HHIP: variants seen among roughly 807,000 people sequenced by gnomAD.
The protein encoded by HHIP is hedgehog interacting protein, also known as hedgehog-interacting protein.
A neutral mutation model predicts 74.0 loss-of-function variants in HHIP; 12 were observed. The ratio of observed to expected loss-of-function variants is 0.16; its 90% CI spans 0.10 to 0.26. The LOEUF (loss-of-function observed/expected upper bound fraction) is 0.26. Ranked by LOEUF, HHIP falls within the 10% of genes least tolerant of loss-of-function variation. The pLI, the probability that HHIP is intolerant of heterozygous loss-of-function variation, is 1.00. For missense variants in HHIP, 788 were observed against 845.0 expected (o/e 0.93, Z 0.84); for synonymous variants, 309 against 311.6 (o/e 0.99, Z 0.09).
rs190269007 is a variant in HHIP, at chr4:144,661,837, C to T, written c.831+1999C>T. Reference sequence around the variant, plus strand: ...TCATTTTGCATAAGTAATGCCAATACGAATTTTCATAAATTATTATACATA... The same window carrying T: ...TCATTTTGCATAAGTAATGCCAATATGAATTTTCATAAATTATTATACATA... On this transcript the variant is annotated intron_variant, in intron 4 of 12. Coordinates refer to ENST00000296575, the MANE Select transcript of HHIP (RefSeq NM_022475.3). Among the ~76,000 whole-genome samples, 6 of 152,200 alleles carry T rather than the reference C, an allele frequency of 3.9e-5. No homozygotes were observed. The East Asian group carries it at 7.7e-4, about 20-fold the overall frequency.
At chr4:144,706,106 G>A (rs2126652499) in intron 4 of HHIP, among the ~76,000 whole-genome samples, 1 of 152,316 alleles carries the variant, frequency 6.6e-6, no homozygotes, top group African/African-American at 2.4e-5. Flanking sequence ...AGTGGGAGTT[G>A]GCAGCCCACA....
chr4:144,693,313 T>C (rs1729725495), intron 4 of HHIP, among the ~76,000 whole-genome samples: 1 of 152,160 alleles, frequency 6.6e-6, no homozygotes, highest in African/African-American at 2.4e-5. Context: ...GTTTGGCTCT[T>C]CCCTTAGTTG....
rs906885642 is a variant in HHIP at position 144,653,027 on chromosome 4, T to G, written c.472+230T>G. ...TTGGTTTTGTTGACTTGTTATATAT[T>G]TCTTGTTAAGCTGGTAATAACAGCT... On this transcript the variant is annotated intron_variant, in intron 2 of 12. Coordinates refer to ENST00000296575, the MANE Select transcript of HHIP (RefSeq NM_022475.3). 2.6e-5 allele frequency among the ~76,000 whole-genome samples: 4 copies of G among 152,264 alleles called. No homozygotes were observed. The East Asian group carries it at 5.8e-4, about 22-fold the overall frequency.
At position 144,741,830 on chromosome 4, in the gene HHIP, T is replaced by C. The variant is rs1253359603; in HGVS notation, c.*3873T>C. 1.3e-5 allele frequency: 2 copies of C among 152,150 alleles called. No individual in the cohort carries two copies. Among genetic ancestry groups the C allele is most frequent in the African/African-American group, 2.4e-5 (1 of 41,432 alleles). 9.4% of individuals were successfully genotyped at this position (152,150 alleles called of 1,614,324 possible). ...TAACTTTCTGTTAAGTCTCTTAGCT[T>C]TGAAACATAAAAGAGAAATCAAGCC... On this transcript the variant is annotated 3_prime_UTR_variant, in exon 13 of 13. Coordinates refer to ENST00000296575, the MANE Select transcript of HHIP (RefSeq NM_022475.3).
chr4:144,687,124 C>G (rs1362487988), intron 4 of HHIP, among the ~76,000 whole-genome samples: 1 of 152,080 alleles, frequency 6.6e-6, no homozygotes, highest in Admixed American at 6.6e-5. Flanking sequence ...TTGGTTACAG[C>G]TTCATAATGT....
chr4:144,673,568 A>C (rs901627095), intron 4 of HHIP, among the ~76,000 whole-genome samples: 1 of 152,194 alleles, frequency 6.6e-6, no homozygotes, highest in Non-Finnish European at 1.5e-5. Context: ...AAGGGGGGAA[A>C]ATATGATTAT....
intron 3 of HHIP, among the ~76,000 whole-genome samples, 173 bp from the exon 4 acceptor site, chr4:144,659,464 G>C (rs1432912196): frequency 6.6e-6 from 1 of 152,150 alleles, no homozygotes; most frequent in Non-Finnish European, 1.5e-5. Context: ...GCCATTGAAA[G>C]AATTTAAAAG....
In HHIP at chr4:144,697,456, C is replaced by T. The variant is rs144720489; in HGVS notation, c.832-9075C>T. On this transcript the variant is annotated intron_variant, in intron 4 of 12. Transcript: ENST00000296575. ...GGAATAGATATTATAGCATCTGATG[C>T]GTATTGAGCCAGATAGTCCCTTGTG... Among the ~76,000 whole-genome samples the T allele has an allele frequency of 6.6e-3, 1,005 of 152,030 alleles. 12 individuals carry two copies. The highest frequency in any genetic ancestry group is 0.023 in the African/African-American group (950 of 41,528).
intron 8 of HHIP, 131 bp downstream of exon 8, chr4:144,712,202 T>C (rs147734322): frequency 6.6e-6 from 5 of 753,082 alleles, no homozygotes; most frequent in African/African-American, 3.5e-5. Flanking sequence ...CTAACAATCA[T>C]GCAGGAGTAA....
rs372398811 is a variant in HHIP at position 144,731,740 on chromosome 4, T to A, written c.1761-3001T>A. Among the ~76,000 whole-genome samples, 18 of 152,216 alleles carry A rather than the reference T, an allele frequency of 1.2e-4. No homozygotes were observed. In the South Asian group the frequency reaches 3.7e-3, roughly 32 times the overall value. On this transcript the variant is annotated intron_variant, in intron 11 of 12. Transcript: ENST00000296575. ...TGACCTAATTTAATTTAATAAACATTTATTGACTGACTATACAGGATTTTC... is the reference window on the plus strand; with the variant it reads ...TGACCTAATTTAATTTAATAAACATATATTGACTGACTATACAGGATTTTC...
chr4:144,721,902 C>CAAA (rs766278808), intron 11 of HHIP, among the ~76,000 whole-genome samples: 2 of 95,628 alleles, frequency 2.1e-5, no homozygotes, highest in Non-Finnish European at 2.2e-5. Context: ...GACTCTGTCT[C>CAAA]AAAAAAAAAA....
intron 4 of HHIP, among the ~76,000 whole-genome samples, chr4:144,667,417 T>G (rs1728904806): frequency 6.6e-6 from 1 of 152,190 alleles, no homozygotes; most frequent in African/African-American, 2.4e-5. Flanking sequence ...ATGATAGTGT[T>G]AGCATTCGCA....
At chr4:144,729,620 G>A (rs551513835) in intron 11 of HHIP, among the ~76,000 whole-genome samples, 1 of 152,196 alleles carries the variant, frequency 6.6e-6, no homozygotes, top group Non-Finnish European at 1.5e-5. Flanking sequence ...CCTAACTCAT[G>A]AGAATGAAAG....
Position 144,738,581 on chromosome 4 carries a change from G to A in HHIP, c.*624G>A, listed in dbSNP as rs1190471978. On this transcript the variant is annotated 3_prime_UTR_variant, in exon 13 of 13. Coordinates refer to ENST00000296575, the MANE Select transcript of HHIP (RefSeq NM_022475.3). ...CTTAATCTCAAGATTGTTTTCAAGT[G>A]TTTTATAATTAAATCATAATAGCAT... The A allele has an allele frequency of 7.6e-6, 6 of 786,086 alleles. No homozygotes were observed. The highest frequency in any genetic ancestry group is 9.3e-6 in the Non-Finnish European group (6 of 648,530). 48.7% of individuals were successfully genotyped at this position (786,086 alleles called of 1,614,324 possible).
intron 10 of HHIP, 119 bp downstream of exon 10, chr4:144,715,549 C>A: frequency 2.1e-6 from 2 of 946,068 alleles, no homozygotes; most frequent in Non-Finnish European, 3.1e-6. Context: ...ATGTAATCCA[C>A]AGCAAAGATG....
At chr4:144,715,511 C>G in intron 10 of HHIP, 81 bp downstream of exon 10, 5 of 1,340,136 alleles carry the variant, frequency 3.7e-6, no homozygotes, top group Non-Finnish European at 5.2e-6. Context: ...AGAATAAATA[C>G]AGCAATCTTA....
chr4:144,662,725 CGTT>C (rs1728749499), intron 4 of HHIP, among the ~76,000 whole-genome samples: 1 of 152,014 alleles, frequency 6.6e-6, no homozygotes, highest in Admixed American at 6.6e-5. Context: ...GCACATGCAG[CGTT>C]GTTATTGTTC....
In HHIP at chr4:144,734,900, C is replaced by G. The variant is rs1026505294; in HGVS notation, c.1909+11C>G. The stretch of plus-strand genomic sequence containing the variant: ...ACTTCTGCAGAACTGGTTAGTATTT[C>G]TGTTTTCACCTGAAAAGGACTGGGG... On this transcript the variant is annotated intron_variant, in intron 12 of 12. Transcript: ENST00000296575. 1.3e-6 allele frequency: 2 copies of G among 1,592,712 alleles called. No individual in the cohort carries two copies. Among genetic ancestry groups the G allele is most frequent in the African/African-American group, 2.7e-5 (2 of 74,754 alleles).
intron 1 of HHIP, chr4:144,647,234 A>AT (rs1335256901): frequency 1.1e-5 from 4 of 379,592 alleles, no homozygotes; most frequent in Admixed American, 4.3e-5. Context: ...CTGGGTAAAT[A>AT]TTTTAAAAGA....
Sources: allele counts gnomAD v4.1 joint callset (sites outside exome capture counted in the v4.1 genomes callset), GRCh38; gene constraint gnomAD v4.1.1; transcripts MANE v1.5; gene names NCBI Gene and HGNC (gene_info 2026-07-23, HGNC 2026-07-21).